The following DONSON variants were observed in gnomAD, a reference collection of about 807,000 sequenced individuals.
DONSON encodes the protein DNA replication fork stabilization factor DONSON, also known as protein downstream neighbor of Son.
Under a neutral mutation model 62.1 loss-of-function variants are expected in DONSON, and 43 were observed. That is an observed-to-expected ratio of 0.69 (90% CI 0.54 to 0.89). DONSON has a LOEUF of 0.89. Among genes scored for constraint, DONSON ranks in the 40% least tolerant of loss-of-function variants. DONSON has a pLI of 0.00. For synonymous variants in DONSON, 266 were observed against 264.6 expected (o/e 1.01, Z -0.05); for missense variants, 696 against 697.5 (o/e 1.00, Z 0.03).
intron 3 of DONSON, among the ~76,000 whole-genome samples, chr21:33,585,456 C>G (rs2086567364): frequency 6.7e-6 from 1 of 149,270 alleles, no homozygotes; most frequent in Non-Finnish European, 1.5e-5. Flanking sequence ...TCAAGCAATC[C>G]CCCCACCTCA....
intron 8 of DONSON, among the ~76,000 whole-genome samples, chr21:33,580,778 A>T (rs1182181967): frequency 6.6e-6 from 1 of 152,176 alleles, no homozygotes; most frequent in Non-Finnish European, 1.5e-5. Context: ...GCTACTCGAG[A>T]GGCTGAGGCA....
chr21:33,587,653 G>T, intron 1 of DONSON, 51 bp from the exon 2 acceptor site: 1 of 1,307,584 alleles, frequency 7.6e-7, no homozygotes, highest in Non-Finnish European at 1.1e-6. Context: ...TGAAGTTTGC[G>T]TTAAATATGT....
chr21:33,581,182 G>A (rs1365885284), intron 8 of DONSON, 120 bp downstream of exon 8: 1 of 929,584 alleles, frequency 1.1e-6, no homozygotes, highest in East Asian at 2.7e-5. Flanking sequence ...TTTAATGGGA[G>A]GAAAGCAAAA....
rs866659692 is a variant in DONSON at position 33,577,654 on chromosome 21, C to T, written c.*653G>A. 620 of 89,522 alleles carry T rather than the reference C, an allele frequency of 6.9e-3. 12 individuals are homozygous for T. Among genetic ancestry groups the T allele is most frequent in the African/African-American group, 9.3e-3 (208 of 22,418 alleles). The allele number at this position is 89,522 out of a possible 1,614,324, so 5.5% of individuals were successfully genotyped here. A position where few individuals can be genotyped will look rare whatever the true frequency, so the allele number is the denominator to read the frequency against. The stretch of plus-strand genomic sequence containing the variant: ...ACACACACACACACACACACACACA[C>T]ACACACACACACACACACACACACA... On this transcript the variant is annotated 3_prime_UTR_variant, in exon 10 of 10. Coordinates refer to ENST00000303071, the MANE Select transcript of DONSON (RefSeq NM_017613.4).
intron 2 of DONSON, 51 bp from the exon 3 acceptor site, chr21:33,586,232 T>A (rs755729661): frequency 1.4e-6 from 2 of 1,476,990 alleles, no homozygotes; most frequent in South Asian, 2.3e-5. Context: ...GAAAAAACCT[T>A]CAACCTAAAG....
intron 3 of DONSON, among the ~76,000 whole-genome samples, 173 bp from the exon 4 acceptor site, chr21:33,584,941 G>T (rs1156947800): frequency 6.6e-6 from 1 of 152,212 alleles, no homozygotes; most frequent in African/African-American, 2.4e-5. Context: ...TGAGCCAGAT[G>T]TAATGGTAAG....
intron 5 of DONSON, among the ~76,000 whole-genome samples, chr21:33,582,737 T>C (rs774017676): frequency 2.6e-5 from 4 of 152,310 alleles, no homozygotes; most frequent in East Asian, 3.9e-4. Context: ...TACTGGCCTG[T>C]GGCCTGTTAG....
chr21:33,584,492 C>T, intron 4 of DONSON, 98 bp downstream of exon 4: 1 of 1,156,044 alleles, frequency 8.7e-7, no homozygotes, highest in East Asian at 2.5e-5. Context: ...ATCTAGATAC[C>T]CTTCTGCCAT....
chr21:33,586,384 G>A (rs2086578054), intron 2 of DONSON, among the ~76,000 whole-genome samples: 1 of 152,134 alleles, frequency 6.6e-6, no homozygotes, highest in African/African-American at 2.4e-5. Context: ...ATGGGAAGCG[G>A]GAATTTGTTG....
chr21:33,581,925 C>T (rs2086515600), intron 7 of DONSON, 26 bp downstream of exon 7: 1 of 1,595,022 alleles, frequency 6.3e-7, no homozygotes, highest in East Asian at 2.2e-5. Flanking sequence ...AAAATTAATT[C>T]TAGTTAACAA....
At chr21:33,583,026 C>T (rs963455678) in intron 5 of DONSON, among the ~76,000 whole-genome samples, 6 of 151,394 alleles carry the variant, frequency 4.0e-5, no homozygotes, top group Non-Finnish European at 8.8e-5. Flanking sequence ...ACGGTGAAAC[C>T]CCGTCTCTAC....
At chr21:33,587,167 C>T (rs909386039) in intron 2 of DONSON, among the ~76,000 whole-genome samples, 1 of 152,118 alleles carries the variant, frequency 6.6e-6, no homozygotes, top group Non-Finnish European at 1.5e-5. Context: ...AGTGCTATGC[C>T]ACAACCTGTG....
At chr21:33,584,343 G>C (rs1420196037) in intron 4 of DONSON, among the ~76,000 whole-genome samples, 3 of 151,398 alleles carry the variant, frequency 2.0e-5, no homozygotes, top group Non-Finnish European at 4.4e-5. Context: ...ACCACACCCG[G>C]CCTGCCTGTC....
rs763879389 is a variant in DONSON, at chr21:33,578,398, G to A, written c.1610C>T (p.Thr537Ile). 1.1e-5 allele frequency: 18 copies of A among 1,613,936 alleles called. No individual in the cohort carries two copies. In the South Asian group the frequency reaches 1.8e-4, roughly 16 times the overall value. Residue 537 changes from threonine (T) to isoleucine (I), a missense_variant, in exon 10 of 10, where the codon ACT (threonine) becomes ATT (isoleucine). Thr to Ile is a moderately conservative substitution (Grantham distance 89). Transcript: ENST00000303071. Reference protein sequence around the residue: ...ELTNCGLHPNTLEQLSQIPLL... With the variant: ...ELTNCGLHPNILEQLSQIPLL... The stretch of plus-strand genomic sequence containing the variant: ...CGGTATTTGACTAAGTTGCTCCAGA[G>A]TGTTAGGGTGCAAACCACAGTTAGT...
intron 2 of DONSON, 109 bp from the exon 3 acceptor site, chr21:33,586,290 G>A (rs2086576886): frequency 1.1e-6 from 1 of 893,698 alleles, no homozygotes. Context: ...CATATAAGCT[G>A]TATAATAAAT....
chr21:33,579,151 A>G (rs1486949680), intron 9 of DONSON, among the ~76,000 whole-genome samples, 199 bp downstream of exon 9: 1 of 152,020 alleles, frequency 6.6e-6, no homozygotes, highest in Non-Finnish European at 1.5e-5. Context: ...AAAAAAAAAA[A>G]TTGTACTTGG....
chr21:33,587,873 C>T (rs115329960), intron 1 of DONSON, among the ~76,000 whole-genome samples: 2 of 152,206 alleles, frequency 1.3e-5, no homozygotes, highest in African/African-American at 4.8e-5. Flanking sequence ...CCCCACGAAT[C>T]CTCGACATTC....
chr21:33,581,634 G>A (rs1343442510), intron 7 of DONSON, 134 bp from the exon 8 acceptor site: 14 of 754,074 alleles, frequency 1.9e-5, no homozygotes, highest in Admixed American at 2.9e-5. Flanking sequence ...TCTCTTTACC[G>A]AATCATAAGG....
chr21:33,580,025 T>A (rs2145899861), intron 8 of DONSON, among the ~76,000 whole-genome samples: 1 of 151,652 alleles, frequency 6.6e-6, no homozygotes. Flanking sequence ...TGAAACCTCG[T>A]CTCTATTAAA....
Sources: gnomAD v4.1 joint callset for allele counts (sites outside exome capture counted in the v4.1 genomes callset) on GRCh38, gnomAD v4.1.1 for gene constraint, MANE v1.5 for transcripts, NCBI Gene and HGNC (gene_info 2026-07-23, HGNC 2026-07-21) for gene names.